USP32: variants seen among roughly 807,000 people sequenced by gnomAD.
The protein encoded by USP32 is ubiquitin carboxyl-terminal hydrolase 32.
Under a neutral mutation model 204.8 loss-of-function variants are expected in USP32, and 59 were observed. The ratio of observed to expected loss-of-function variants is 0.29; its 90% confidence interval spans 0.23 to 0.36. USP32 has a LOEUF of 0.36. Ranked by LOEUF, USP32 falls within the 10% of genes least tolerant of loss-of-function variation. The pLI is 1.00. For synonymous variants in USP32, 517 were observed against 678.4 expected, an observed-to-expected ratio of 0.76 and a Z score of 3.70; for missense variants, 1,160 against 1,946.4, an observed-to-expected ratio of 0.60 and a Z score of 7.60.
At chr17:60,203,393 T>C (rs35683989) in intron 26 of USP32, among the ~76,000 whole-genome samples, 1 of 89,354 alleles carries the variant, frequency 1.1e-5, no homozygotes, top group East Asian at 2.7e-4. Context: ...AGAGCGAGAC[T>C]GTCAAAAAAA....
At chr17:60,190,798 T>C (rs1234331219) in intron 28 of USP32, 115 bp from the exon 29 acceptor site, 38 of 1,425,540 alleles carry the variant, frequency 2.7e-5, no homozygotes, top group Non-Finnish European at 3.2e-5. Context: ...GGCCTCACAA[T>C]TTGTCATGGG....
rs374678378 is a variant in USP32 at position 60,269,802 on chromosome 17, T to G, written c.704-245A>C. On this transcript the variant is annotated intron_variant, in intron 6 of 33. Transcript: ENST00000300896. ...GTTTGGTTATGTCCATCTATATTTA[T>G]CTTACATCATTTTTAATGGCTAAAA... is the stretch of plus-strand genomic sequence containing the variant. 1.1e-4 allele frequency among the ~76,000 whole-genome samples: 16 copies of G among 152,262 alleles called. No individual in the cohort carries two copies. The East Asian group carries it at 2.9e-3, about 28-fold the overall frequency.
chr17:60,287,105 G>A (rs974410534), intron 5 of USP32, among the ~76,000 whole-genome samples: 2 of 151,992 alleles, frequency 1.3e-5, no homozygotes, highest in African/African-American at 4.8e-5. Context: ...AGCCGAGATC[G>A]CGCCACTGCA....
At chr17:60,285,655 T>C (rs189091440) in intron 5 of USP32, among the ~76,000 whole-genome samples, 5 of 152,238 alleles carry the variant, frequency 3.3e-5, no homozygotes, top group African/African-American at 1.2e-4. Flanking sequence ...ATGAATAGGA[T>C]AAATTAATTC....
chr17:60,414,004 G>A (rs1343881344), intron 1 of USP32, among the ~76,000 whole-genome samples: 2 of 151,972 alleles, frequency 1.3e-5, no homozygotes, highest in Admixed American at 6.6e-5. Flanking sequence ...CCTTATCTGA[G>A]GTCCATGTGC....
intron 5 of USP32, among the ~76,000 whole-genome samples, chr17:60,276,946 CATAT>C (rs35211470): frequency 1.4e-5 from 2 of 140,726 alleles, no homozygotes; most frequent in African/African-American, 2.8e-5. Context: ...ATTACATATA[CATAT>C]ATATATATAT....
chr17:60,308,980 C>A (rs2087792786), intron 2 of USP32, among the ~76,000 whole-genome samples: 1 of 151,982 alleles, frequency 6.6e-6, no homozygotes, highest in African/African-American at 2.4e-5. Flanking sequence ...CACAAAAAAT[C>A]AAATCAAAAT....
chr17:60,327,681 T>C (rs976158349), intron 2 of USP32, among the ~76,000 whole-genome samples: 4 of 152,214 alleles, frequency 2.6e-5, no homozygotes, highest in Admixed American at 2.0e-4. Context: ...CCCTCTCAGA[T>C]GCAGGACCTG....
At chr17:60,414,591 G>A (rs1028236899) in intron 1 of USP32, among the ~76,000 whole-genome samples, 3 of 151,372 alleles carry the variant, frequency 2.0e-5, no homozygotes, top group African/African-American at 7.3e-5. Context: ...ACCAGGCCCG[G>A]CTAATTTTTG....
At chr17:60,302,489 T>C (rs915286311) in intron 2 of USP32, among the ~76,000 whole-genome samples, 2 of 152,220 alleles carry the variant, frequency 1.3e-5, no homozygotes, top group Non-Finnish European at 2.9e-5. Flanking sequence ...TGATGTTTGG[T>C]AGGTTAGGTG....
chr17:60,417,680 C>T (rs1465329565), intron 1 of USP32, among the ~76,000 whole-genome samples: 1 of 152,124 alleles, frequency 6.6e-6, no homozygotes, highest in Non-Finnish European at 1.5e-5. Flanking sequence ...TCTCGAACTC[C>T]TGACCTCAAG....
At chr17:60,421,761 T>A (rs1430426333) in intron 1 of USP32, 1 of 877,974 alleles carries the variant, frequency 1.1e-6, no homozygotes, top group African/African-American at 1.8e-5. Context: ...GTTTCCGCCC[T>A]CGGCCTCGGG....
intron 1 of USP32, among the ~76,000 whole-genome samples, chr17:60,418,394 C>CTGT (rs2090078662): frequency 7.6e-6 from 1 of 131,042 alleles, no homozygotes; most frequent in African/African-American, 3.4e-5. Context: ...TGCCTGGCCT[C>CTGT]TGTTTTTTTT....
chr17:60,372,783 T>C (rs1195332254), intron 1 of USP32, among the ~76,000 whole-genome samples: 3 of 145,350 alleles, frequency 2.1e-5, no homozygotes, highest in Admixed American at 7.0e-5. Context: ...GCCCAAGAGG[T>C]CCAGGCTGCA....
chr17:60,359,384 T>C (rs958413662), intron 1 of USP32, among the ~76,000 whole-genome samples: 1 of 152,216 alleles, frequency 6.6e-6, no homozygotes, highest in African/African-American at 2.4e-5. Context: ...ATATTATTGA[T>C]ATTTTTGGAT....
intron 1 of USP32, among the ~76,000 whole-genome samples, chr17:60,388,289 TACACACACACAC>T (rs35068599): frequency 4.2e-5 from 6 of 142,016 alleles, no homozygotes; most frequent in South Asian, 2.3e-4. Context: ...AGCCGATTCT[TACACACACACAC>T]ACACACACAC....
intron 2 of USP32, among the ~76,000 whole-genome samples, chr17:60,331,320 C>T (rs1174076671): frequency 1.3e-5 from 2 of 152,210 alleles, no homozygotes; most frequent in Non-Finnish European, 2.9e-5. Context: ...AATCCCAGCA[C>T]TTTGGGAGGC....
chr17:60,237,531 T>C (rs1024312586), intron 11 of USP32, among the ~76,000 whole-genome samples: 3 of 152,162 alleles, frequency 2.0e-5, no homozygotes, highest in African/African-American at 7.2e-5. Context: ...TTATTAAGTT[T>C]CAAAACATTC....
At chr17:60,293,120 T>C (rs1042388291) in intron 4 of USP32, among the ~76,000 whole-genome samples, 9 of 152,214 alleles carry the variant, frequency 5.9e-5, no homozygotes, top group Non-Finnish European at 1.3e-4. Context: ...AATAACAAGA[T>C]TCAGATTTTC....
Sources: gnomAD v4.1 joint callset for allele counts (sites outside exome capture counted in the v4.1 genomes callset) on GRCh38, gnomAD v4.1.1 for gene constraint, MANE v1.5 for transcripts, NCBI Gene and HGNC (gene_info 2026-07-23, HGNC 2026-07-21) for gene names.